RNF212B: variants seen among roughly 807,000 people sequenced by gnomAD.
RNF212B encodes the protein ring finger protein 212B.
RNF212B carries 52 observed loss-of-function variants against 55.5 expected under a neutral mutation model. The ratio of observed to expected loss-of-function variants is 0.94; its 90% confidence interval spans 0.75 to 1.18. The LOEUF is 1.18. Ranked by LOEUF, RNF212B falls within the 50% of genes most tolerant of loss-of-function variation. The probability of loss-of-function intolerance (pLI) is 0.00; values close to 1 mark genes in which losing one functional copy is unlikely to be tolerated. For missense variants in RNF212B, 289 were observed against 350.4 expected, an observed-to-expected ratio of 0.82 and a Z score of 1.40; for synonymous variants, 99 against 121.4, an observed-to-expected ratio of 0.82 and a Z score of 1.21.
chr14:23,247,001 G>A (rs1207542904), intron 4 of RNF212B, among the ~76,000 whole-genome samples: 1 of 152,080 alleles, frequency 6.6e-6, no homozygotes, highest in Non-Finnish European at 1.5e-5. Flanking sequence ...TTAGCCAGGT[G>A]TGGTGGCACG....
At chr14:23,221,244 A>G (rs1322826853) in intron 2 of RNF212B, among the ~76,000 whole-genome samples, 1 of 151,920 alleles carries the variant, frequency 6.6e-6, no homozygotes, top group South Asian at 2.1e-4. Flanking sequence ...AAAAAAAAAA[A>G]AAAAGAAAGA....
intron 8 of RNF212B, 24 bp downstream of exon 8, chr14:23,262,735 T>C: frequency 1.3e-6 from 2 of 1,546,970 alleles, no homozygotes; most frequent in East Asian, 2.4e-5. Context: ...TTCCCCTAAA[T>C]ATCTGTGTGA....
At chr14:23,213,863 A>G (rs1404613175) in intron 2 of RNF212B, among the ~76,000 whole-genome samples, 1 of 152,198 alleles carries the variant, frequency 6.6e-6, no homozygotes, top group Non-Finnish European at 1.5e-5. Flanking sequence ...AAGAACCAGG[A>G]AAATCTCAGT....
intron 4 of RNF212B, among the ~76,000 whole-genome samples, chr14:23,256,257 T>C (rs1184530973): frequency 1.3e-5 from 2 of 152,156 alleles, no homozygotes; most frequent in Non-Finnish European, 2.9e-5. Flanking sequence ...GATACTAACA[T>C]TGTGATTTGG....
chr14:23,270,616 A>G lies in RNF212B; in HGVS notation c.789A>G (p.Thr263=), dbSNP rs1430407136. ...TPNNFAQRES[T]TTLESLPSFQ... is the part of the protein sequence containing the mutation. ...ATCCTTCAGCTCAGAGGGAGAGCACAACTACACTAGAGAGTCTTCCTAGTT... is the reference window on the plus strand; with the variant it reads ...ATCCTTCAGCTCAGAGGGAGAGCACGACTACACTAGAGAGTCTTCCTAGTT... Residue 263 remains threonine, a synonymous_variant, in exon 14 of 15, where the codon ACA becomes ACG. Transcript: ENST00000430154. 1.3e-6 allele frequency: 2 copies of G among 1,550,620 alleles called. No homozygotes were observed. Among genetic ancestry groups the G allele is most frequent in the Non-Finnish European group, 1.7e-6 (2 of 1,146,634 alleles).
intron 1 of RNF212B, among the ~76,000 whole-genome samples, chr14:23,189,614 G>A (rs111789827): frequency 0.097 from 14,672 of 151,900 alleles, 813 homozygotes; most frequent in Non-Finnish European, 0.13. Context: ...ACCAGCCTGG[G>A]CAATATAGCA....
Position 23,195,852 on chromosome 14 carries a change from A to C in RNF212B, c.-2+2451A>C, listed in dbSNP as rs561443064. The stretch of plus-strand genomic sequence containing the variant: ...CCTTTCAAGGTAAACGTTGTTTTGC[A>C]TTTTACAAAGGAGGAAACGGGTTCA... On this transcript the variant is annotated intron_variant, in intron 2 of 15. Transcript: ENST00000399910. Among the ~76,000 whole-genome samples, 3 of 152,256 alleles carry C rather than the reference A, an allele frequency of 2.0e-5. No individual in the cohort carries two copies. In the East Asian group the frequency reaches 5.8e-4, roughly 29 times the overall value.
intron 1 of RNF212B, 69 bp from the exon 2 acceptor site, chr14:23,240,276 A>G: frequency 9.4e-7 from 1 of 1,058,206 alleles, no homozygotes; most frequent in Non-Finnish European, 1.4e-6. Context: ...ACGGTTACAT[A>G]GATTTTGGAA....
intron 2 of RNF212B, among the ~76,000 whole-genome samples, chr14:23,208,061 C>T (rs1052517671): frequency 7.2e-5 from 11 of 152,150 alleles, no homozygotes; most frequent in African/African-American, 2.7e-4. Context: ...GAATGGGAGG[C>T]AGGTTTGCCC....
chr14:23,210,974 C>T lies in RNF212B; in HGVS notation c.-2+17573C>T, dbSNP rs145005729. 1.9e-3 allele frequency among the ~76,000 whole-genome samples: 286 copies of T among 151,962 alleles called. 2 individuals are homozygous for T. Among genetic ancestry groups the T allele is most frequent in the Admixed American group, 0.015 (230 of 15,242 alleles). ...AAACAGTGTTAAAGCAACAAATTCA[C>T]TTTGGGAGGCCAAGGTGGACAGATC... On this transcript the variant is annotated intron_variant, in intron 2 of 15. Coordinates refer to the RNF212B transcript ENST00000399910.
intron 4 of RNF212B, among the ~76,000 whole-genome samples, chr14:23,247,498 A>C (rs1447837581): frequency 6.7e-6 from 1 of 148,682 alleles, no homozygotes; most frequent in Non-Finnish European, 1.5e-5. Flanking sequence ...ATAAATATGG[A>C]ATCATATAAT....
intron 8 of RNF212B, 79 bp from the exon 9 acceptor site, chr14:23,262,849 C>A: frequency 6.9e-7 from 1 of 1,456,886 alleles, no homozygotes; most frequent in Non-Finnish European, 9.4e-7. Context: ...AACCAGATAA[C>A]CATGTACAAC....
intron 13 of RNF212B, 142 bp from the exon 14 acceptor site, chr14:23,270,458 A>AT: frequency 1.5e-6 from 1 of 659,078 alleles, no homozygotes; most frequent in Non-Finnish European, 2.8e-6. Flanking sequence ...CAGACTTTAT[A>AT]TCCCATCTCT....
intron 2 of RNF212B, among the ~76,000 whole-genome samples, chr14:23,241,555 C>T (rs1883568256): frequency 6.6e-6 from 1 of 151,970 alleles, no homozygotes; most frequent in Non-Finnish European, 1.5e-5. Flanking sequence ...ACTTGAGTAG[C>T]TGGAATTATA....
At chr14:23,206,240 A>C (rs780853115) in intron 2 of RNF212B, among the ~76,000 whole-genome samples, 21 of 152,012 alleles carry the variant, frequency 1.4e-4, no homozygotes, top group Non-Finnish European at 2.8e-4. Context: ...ATGGCCAGCT[A>C]ATTTTTGTAT....
chr14:23,247,961 T>G (rs1461942737), intron 4 of RNF212B, among the ~76,000 whole-genome samples: 1 of 152,198 alleles, frequency 6.6e-6, no homozygotes, highest in Non-Finnish European at 1.5e-5. Flanking sequence ...AACAGAAATT[T>G]AATTTTAACA....
In RNF212B at chr14:23,243,233, A is replaced by T. The variant is rs925254373; in HGVS notation, c.101-23A>T. The T allele has an allele frequency of 7.1e-6, 11 of 1,544,020 alleles. No individual in the cohort carries two copies. In the Admixed American group the frequency reaches 1.4e-4, roughly 20 times the overall value. On this transcript the variant is annotated intron_variant, in intron 2 of 14. Coordinates refer to ENST00000430154, the MANE Select transcript of RNF212B (RefSeq NM_001282322.3). The stretch of plus-strand genomic sequence containing the variant: ...TACCTCATGCTCATGAGAGCCAAAT[A>T]TTTTTTTCCCTTTTCCTCCCAGAAA...
chr14:23,238,777 A>ATCATCATCATCATCATC (rs1555316069), intron 1 of RNF212B, among the ~76,000 whole-genome samples: 3 of 134,758 alleles, frequency 2.2e-5, no homozygotes, highest in African/African-American at 7.7e-5. Flanking sequence ...TAATAATAAT[A>ATCATCATCATCATCATC]ATAATCCCAC....
intron 2 of RNF212B, among the ~76,000 whole-genome samples, chr14:23,220,146 T>C (rs1477307171): frequency 6.6e-6 from 1 of 151,392 alleles, no homozygotes; most frequent in African/African-American, 2.4e-5. Flanking sequence ...ATGGCACCAT[T>C]GTACTCCAGC....
Sources: allele counts gnomAD v4.1 joint callset (sites outside exome capture counted in the v4.1 genomes callset), GRCh38; gene constraint gnomAD v4.1.1; transcripts MANE v1.5; gene names NCBI Gene and HGNC (gene_info 2026-07-23, HGNC 2026-07-21).